Variants in LAMB4 observed in about 807,000 individuals in gnomAD.
LAMB4 encodes laminin subunit beta 4.
In LAMB4, 196 loss-of-function variants were observed where a neutral mutation model predicts 199.2. That is an observed-to-expected ratio of 0.98 (90% CI 0.88 to 1.11). The LOEUF (loss-of-function observed/expected upper bound fraction) is 1.11, where lower values mean the gene tolerates loss of function less well. Among genes scored for constraint, LAMB4 ranks in the 50% least tolerant of loss-of-function variants. LAMB4 has a pLI of 0.00. For synonymous variants in LAMB4, 744 were observed against 770.6 expected, an observed-to-expected ratio of 0.97 and a Z score of 0.57; for missense variants, 2,080 against 2,171.2, an observed-to-expected ratio of 0.96 and a Z score of 0.83.
chr7:108,044,450 G>A (rs2035544421), intron 28 of LAMB4, among the ~76,000 whole-genome samples: 1 of 152,182 alleles, frequency 6.6e-6, no homozygotes, highest in South Asian at 2.1e-4. Flanking sequence ...GTAGAGGAAT[G>A]ACAGGAATAA....
At chr7:108,119,938 T>G (rs889831903) in intron 2 of LAMB4, among the ~76,000 whole-genome samples, 1 of 152,120 alleles carries the variant, frequency 6.6e-6, no homozygotes, top group African/African-American at 2.4e-5. Context: ...TACAATTATT[T>G]CAAAATAAAA....
rs1273154757 is a variant in LAMB4, at chr7:108,055,832, G to T, written c.3555C>A (p.Thr1185=). 4.3e-6 allele frequency: 7 copies of T among 1,614,146 alleles called. No individual in the cohort carries two copies. The highest frequency in any genetic ancestry group is 3.3e-5 in the Admixed American group (2 of 60,024). Residue 1185 remains threonine (T), a synonymous_variant, in exon 25 of 34, where the codon ACC becomes ACA. Coordinates refer to ENST00000388781, the MANE Select transcript of LAMB4 (RefSeq NM_007356.3). ...CHLCFDQWDH[T]ISSLSKAVQG... ...GCACCGCTTTGGAGAGGGAAGAAAT[G>T]GTGTGGTCCCACTGATCAAAGCACA... is the stretch of plus-strand genomic sequence containing the variant.
chr7:108,068,295 A>G (rs963909221), intron 18 of LAMB4, 136 bp from the exon 19 acceptor site: 2 of 844,370 alleles, frequency 2.4e-6, no homozygotes, highest in African/African-American at 3.4e-5. Context: ...TTAAATAGGA[A>G]TAATATAGAA....
rs750084134 is a variant in LAMB4 at position 108,055,909 on chromosome 7, G to A, written c.3478C>T (p.Arg1160Cys). 3 of 1,614,026 alleles carry A rather than the reference G, an allele frequency of 1.9e-6. No homozygotes were observed. Among genetic ancestry groups the A allele is most frequent in the South Asian group, 1.1e-5 (1 of 91,076 alleles). Residue 1160 changes from arginine to cysteine, a missense_variant, in exon 25 of 34, where the codon CGC becomes TGC. Coordinates refer to ENST00000388781, the MANE Select transcript of LAMB4 (RefSeq NM_007356.3). ...TCCTGGCTGTGTCCCCGGGCACAGC[G>A]ATCACATCTCTGGCCGCTGACACCC... ...REGVSGQRCDRCARGHSQEFP... is the reference protein window; with the variant it reads ...REGVSGQRCDCCARGHSQEFP...
At chr7:108,045,721 T>G (rs1269726939) in intron 28 of LAMB4, among the ~76,000 whole-genome samples, 4 of 152,208 alleles carry the variant, frequency 2.6e-5, no homozygotes, top group Admixed American at 6.5e-5. Flanking sequence ...GGATTTACAT[T>G]GCTATGTTTG....
intron 4 of LAMB4, among the ~76,000 whole-genome samples, chr7:108,109,868 C>T (rs577856832): frequency 6.6e-6 from 1 of 152,070 alleles, no homozygotes; most frequent in African/African-American, 2.4e-5. Flanking sequence ...GCCCAGATCT[C>T]TCTAGAGCAG....
chr7:108,071,162 G>T (rs772449958), intron 17 of LAMB4, among the ~76,000 whole-genome samples: 1 of 151,956 alleles, frequency 6.6e-6, no homozygotes, highest in Non-Finnish European at 1.5e-5. Flanking sequence ...CTCCTCAATC[G>T]TACATATTCC....
intron 14 of LAMB4, 61 bp from the exon 15 acceptor site, chr7:108,079,847 A>G: frequency 1.5e-6 from 2 of 1,310,424 alleles, no homozygotes; most frequent in Non-Finnish European, 2.1e-6. Flanking sequence ...AGAGTTCAAG[A>G]AAACCAGTCC....
At chr7:108,109,950 G>A (rs957928854) in intron 4 of LAMB4, among the ~76,000 whole-genome samples, 6 of 152,174 alleles carry the variant, frequency 3.9e-5, no homozygotes, top group African/African-American at 1.4e-4. Context: ...ATTAAAAAAG[G>A]TAAAAAGAAA....
chr7:108,091,637 GT>G lies in LAMB4; in HGVS notation c.1689del (p.Leu564TrpfsTer19). ...AATGAAATACGAACCAAAGGCGCCA[GT>G]CCTTGGAGTGTTGTGGCTTCCTCTG... ...YEAEEATTLQ[G>X]LAPLGSETFG... On this transcript the variant is annotated frameshift_variant, in exon 14 of 34. Transcript: ENST00000388781. LOFTEE classifies it high-confidence loss of function. 6.2e-7 allele frequency: 1 copy of G among 1,613,744 alleles called. No individual in the cohort carries two copies. The highest frequency in any genetic ancestry group is 8.5e-7 in the Non-Finnish European group (1 of 1,179,910).
intron 32 of LAMB4, among the ~76,000 whole-genome samples, chr7:108,030,201 A>G (rs772521397): frequency 1.3e-5 from 2 of 152,122 alleles, no homozygotes; most frequent in Non-Finnish European, 2.9e-5. Flanking sequence ...TTTACCCAGC[A>G]CATTAGGAAT....
intron 1 of LAMB4, among the ~76,000 whole-genome samples, chr7:108,123,523 C>G (rs1009528947): frequency 4.6e-5 from 7 of 152,120 alleles, no homozygotes; most frequent in African/African-American, 1.7e-4. Flanking sequence ...CTAAAAATTA[C>G]ACAGTTAATA....
chr7:108,036,365 T>C (rs924837495), intron 30 of LAMB4, among the ~76,000 whole-genome samples: 1 of 152,110 alleles, frequency 6.6e-6, no homozygotes. Context: ...ATTTTGTATT[T>C]TTAGGAAAGA....
chr7:108,094,920 A>T (rs1396991024), intron 12 of LAMB4, among the ~76,000 whole-genome samples: 1 of 152,142 alleles, frequency 6.6e-6, no homozygotes, highest in African/African-American at 2.4e-5. Context: ...TAGACAGATA[A>T]ATGTGCTTCT....
chr7:108,063,935 A>G lies in LAMB4; in HGVS notation c.2887T>C (p.Ser963Pro). ...STGFYGNPRI[S>P]GAPCQPCACN... ...GCACATGGTTGGCAAGGTGCTCCTG[A>G]AATTCTTGGATTTCCATAGAAACCA... Residue 963 changes from serine to proline, a missense_variant, in exon 22 of 34, where the codon TCA (serine) becomes CCA (proline). Coordinates refer to ENST00000388781, the MANE Select transcript of LAMB4 (RefSeq NM_007356.3). 1.2e-6 allele frequency: 2 copies of G among 1,614,174 alleles called. No individual in the cohort carries two copies. Among genetic ancestry groups the G allele is most frequent in the Non-Finnish European group, 1.7e-6 (2 of 1,180,026 alleles).
At chr7:108,101,220 G>A (rs897618104) in intron 10 of LAMB4, among the ~76,000 whole-genome samples, 1 of 152,264 alleles carries the variant, frequency 6.6e-6, no homozygotes, top group East Asian at 1.9e-4. Flanking sequence ...CTTGCTAAGT[G>A]TGCCAGCCGT....
chr7:108,129,187 G>A (rs1243901023), intron 1 of LAMB4, among the ~76,000 whole-genome samples: 2 of 152,226 alleles, frequency 1.3e-5, no homozygotes, highest in African/African-American at 2.4e-5. Flanking sequence ...AAAGGGCCAT[G>A]TGGTGCCCAT....
rs560654284 is a variant in LAMB4 at position 108,079,566 on chromosome 7, CT to C, written c.1887+34del. On this transcript the variant is annotated intron_variant, in intron 15 of 33. Transcript: ENST00000388781. ...CAGTTCAAGAATGTATTTCTGTCAG[CT>C]TTTCACCACCAAAGTTGGAGAGTTA... The C allele has an allele frequency of 9.0e-5, 137 of 1,525,682 alleles. No homozygotes were observed. The African/African-American group carries it at 1.8e-3, about 20-fold the overall frequency. 94.5% of individuals were successfully genotyped at this position (1,525,682 alleles called of 1,614,324 possible). A position where few individuals can be genotyped will look rare whatever the true frequency, so the allele number is the denominator to read the frequency against.
intron 26 of LAMB4, among the ~76,000 whole-genome samples, 190 bp downstream of exon 26, chr7:108,051,907 C>T (rs1035693428): frequency 1.1e-4 from 16 of 152,158 alleles, no homozygotes; most frequent in Non-Finnish European, 1.5e-4. Context: ...TGAGTGAATG[C>T]TAGCCAGGCT....
Sources: gnomAD v4.1 joint callset for allele counts (sites outside exome capture counted in the v4.1 genomes callset) on GRCh38, gnomAD v4.1.1 for gene constraint, MANE v1.5 for transcripts, NCBI Gene and HGNC (gene_info 2026-07-23, HGNC 2026-07-21) for gene names.